Variants in GGT7 observed in about 807,000 individuals in gnomAD.
GGT7 encodes the protein gamma-glutamyltransferase 7.
Under a neutral mutation model 69.2 loss-of-function variants are expected in GGT7, and 30 were observed. The observed-to-expected ratio is 0.43, with a 90% CI of 0.32 to 0.59. The LOEUF is 0.59. Among genes scored for constraint, GGT7 ranks in the 20% least tolerant of loss-of-function variants. The pLI is 0.05. For synonymous variants in GGT7, 388 were observed against 391.8 expected (o/e 0.99, Z 0.12); for missense variants, 733 against 901.1 (o/e 0.81, Z 2.39).
rs143914617 is a variant in GGT7, at chr20:34,849,354, G to A, written c.1825+607C>T. On this transcript the variant is annotated intron_variant, in intron 14 of 14. Coordinates refer to ENST00000336431, the MANE Select transcript of GGT7 (RefSeq NM_178026.3). ...TAAAAAAATTTTTTTATAGAGACGG[G>A]GGGGTGGAGGGGGGTCTCACTATGT... Among the ~76,000 whole-genome samples, 1,474 of 151,208 alleles carry A rather than the reference G, an allele frequency of 9.7e-3. 27 individuals carry two copies. The highest frequency in any genetic ancestry group is 0.031 in the African/African-American group (1,294 of 41,148).
chr20:34,855,946 C>T (rs1180783985), intron 8 of GGT7, among the ~76,000 whole-genome samples: 2 of 152,254 alleles, frequency 1.3e-5, no homozygotes, highest in East Asian at 3.9e-4. Context: ...AGGTACACCA[C>T]CACGCCTGGG....
intron 3 of GGT7, 23 bp from the exon 4 acceptor site, chr20:34,861,585 A>C: frequency 7.4e-7 from 1 of 1,355,848 alleles, no homozygotes; most frequent in African/African-American, 1.5e-5. Flanking sequence ...CAGAAGGGGA[A>C]GTGTGATGAT....
At chr20:34,857,473 T>C (rs1370908495) in intron 7 of GGT7, among the ~76,000 whole-genome samples, 3 of 152,140 alleles carry the variant, frequency 2.0e-5, no homozygotes, top group Admixed American at 6.6e-5. Flanking sequence ...GAACCAATCT[T>C]GTACAAACCA....
At chr20:34,859,779 G>A (rs2079557900) in intron 6 of GGT7, 140 bp from the exon 7 acceptor site, 1 of 838,450 alleles carries the variant, frequency 1.2e-6, no homozygotes, top group Non-Finnish European at 1.9e-6. Flanking sequence ...GTGCGAGGCA[G>A]GGATGTCTAA....
rs1452990759 is a variant in GGT7, at chr20:34,851,248, G to GGCCCC, written c.1703_1707dup (p.Leu570GlyfsTer6). On this transcript the variant is annotated frameshift_variant, in exon 13 of 15. Transcript: ENST00000336431. LOFTEE classifies it high-confidence loss of function. Reference sequence around the variant, plus strand: ...AACCTCACCTGTGTCAGGCCGCTGAGGCCCCGCGCAGCTCCATTGGCCCCC... The same window carrying GGCCCC: ...AACCTCACCTGTGTCAGGCCGCTGAGGCCCCGCCCCGCGCAGCTCCATTGGCCCCC... The GGCCCC allele has an allele frequency of 6.2e-7, 1 of 1,613,618 alleles. No individual in the cohort carries two copies. Among genetic ancestry groups the GGCCCC allele is most frequent in the Admixed American group, 1.7e-5 (1 of 60,028 alleles).
chr20:34,862,668 G>A (rs917258384), intron 3 of GGT7, 146 bp downstream of exon 3: 1 of 778,244 alleles, frequency 1.3e-6, no homozygotes, highest in Non-Finnish European at 2.2e-6. Flanking sequence ...CAGGGAGAAG[G>A]GGGTGAAATT....
intron 14 of GGT7, 27 bp from the exon 15 acceptor site, chr20:34,845,518 A>G (rs1380114821): frequency 6.2e-7 from 1 of 1,602,772 alleles, no homozygotes; most frequent in Non-Finnish European, 8.5e-7. Flanking sequence ...ACATATACAC[A>G]TTCAGAATGT....
chr20:34,847,189 A>G (rs756204210), intron 14 of GGT7, among the ~76,000 whole-genome samples: 5 of 152,238 alleles, frequency 3.3e-5, no homozygotes, highest in Non-Finnish European at 7.3e-5. Context: ...GTCAGTACAT[A>G]GTAAATATTG....
intron 3 of GGT7, 91 bp downstream of exon 3, chr20:34,862,723 C>G: frequency 1.5e-6 from 2 of 1,301,536 alleles, no homozygotes; most frequent in Non-Finnish European, 2.2e-6. Flanking sequence ...CCAAAAGCCC[C>G]TCTCCCTAAG....
At chr20:34,857,440 C>T (rs939837623) in intron 7 of GGT7, among the ~76,000 whole-genome samples, 4 of 152,164 alleles carry the variant, frequency 2.6e-5, no homozygotes, top group African/African-American at 9.7e-5. Context: ...TTGGACATAA[C>T]CAAGCCCTCA....
intron 1 of GGT7, among the ~76,000 whole-genome samples, chr20:34,867,989 A>C (rs2079720938): frequency 6.6e-6 from 1 of 152,202 alleles, no homozygotes; most frequent in Non-Finnish European, 1.5e-5. Context: ...CAGCCTCCCA[A>C]GAAGCTGGAA....
rs1006893681 is a variant in GGT7, at chr20:34,845,124, C to G, written c.*204G>C. The G allele has an allele frequency of 2.3e-4, 100 of 433,344 alleles. No individual in the cohort carries two copies. In the Middle Eastern group the frequency reaches 3.6e-3, roughly 16 times the overall value. The allele number at this position is 433,344 out of a possible 1,614,324, so 26.8% of individuals were successfully genotyped here. A position where few individuals can be genotyped will look rare whatever the true frequency, so the allele number is the denominator to read the frequency against. ...TAGATGCTGACACTCACCACCACCA[C>G]CACCACCACCACCACCACCACCACC... is the stretch of plus-strand genomic sequence containing the variant. On this transcript the variant is annotated 3_prime_UTR_variant, in exon 15 of 15. Transcript: ENST00000336431.
At chr20:34,851,484 T>C (rs2079391569) in intron 12 of GGT7, 116 bp from the exon 13 acceptor site, 20 of 1,057,854 alleles carry the variant, frequency 1.9e-5, no homozygotes, top group Non-Finnish European at 2.6e-5. Context: ...ACAGGCCCAG[T>C]TTTCCTGGGA....
chr20:34,872,461 G>C (rs1170926790), intron 1 of GGT7, 186 bp downstream of exon 1: 6 of 443,094 alleles, frequency 1.4e-5, no homozygotes, highest in African/African-American at 8.1e-5. Flanking sequence ...CGCATCCTAC[G>C]CCTCCAAGGC....
intron 1 of GGT7, among the ~76,000 whole-genome samples, chr20:34,864,364 T>A (rs2079654337): frequency 6.6e-6 from 1 of 151,590 alleles, no homozygotes; most frequent in African/African-American, 2.4e-5. Flanking sequence ...GAAAAAAAAA[T>A]AACCAAGGCC....
At chr20:34,857,970 G>T (rs998876404) in intron 7 of GGT7, among the ~76,000 whole-genome samples, 2 of 152,090 alleles carry the variant, frequency 1.3e-5, no homozygotes, top group African/African-American at 4.8e-5. Context: ...TCAACTTTGG[G>T]TTTCTTTTTA....
At chr20:34,872,606 A>G in intron 1 of GGT7, 41 bp downstream of exon 1, 1 of 1,341,578 alleles carries the variant, frequency 7.5e-7, no homozygotes, top group Non-Finnish European at 9.7e-7. Flanking sequence ...AAGACCGGGG[A>G]CTTCCCAAGG....
Position 34,845,140 on chromosome 20 carries a change from CA to C in GGT7, c.*187del. ...CCACCACCACCACCACCACCACCAC[CA>C]CCACCACCACCACAGGCCTCCTGAT... On this transcript the variant is annotated 3_prime_UTR_variant, in exon 15 of 15. Coordinates refer to ENST00000336431, the MANE Select transcript of GGT7 (RefSeq NM_178026.3). 5.8e-6 allele frequency: 3 copies of C among 516,922 alleles called. No homozygotes were observed. The highest frequency in any genetic ancestry group is 7.0e-6 in the Non-Finnish European group (2 of 286,606). 32.0% of individuals were successfully genotyped at this position (516,922 alleles called of 1,614,324 possible).
intron 1 of GGT7, among the ~76,000 whole-genome samples, chr20:34,866,097 A>G (rs1490272106): frequency 6.6e-6 from 1 of 152,254 alleles, no homozygotes; most frequent in African/African-American, 2.4e-5. Flanking sequence ...AAAGACCTTC[A>G]TGATCCACAG....
Sources: allele counts gnomAD v4.1 joint callset (sites outside exome capture counted in the v4.1 genomes callset), GRCh38; gene constraint gnomAD v4.1.1; transcripts MANE v1.5; gene names NCBI Gene and HGNC (gene_info 2026-07-23, HGNC 2026-07-21).